The following AGMO variants were observed in gnomAD, a reference collection of about 807,000 sequenced individuals.
AGMO encodes alkylglycerol monooxygenase, also known as glyceryl-ether monooxygenase.
Under a neutral mutation model 60.2 loss-of-function variants are expected in AGMO, and 75 were observed. The ratio of observed to expected loss-of-function variants is 1.25; its 90% CI spans 1.03 to 1.51. The LOEUF (loss-of-function observed/expected upper bound fraction) is 1.51, where lower values mean the gene tolerates loss of function less well. AGMO is among the 40% of genes most tolerant of loss of function. The pLI is 0.00. For missense variants in AGMO, 763 were observed against 525.5 expected, an observed-to-expected ratio of 1.45 and a Z score of -4.42; for synonymous variants, 261 against 177.1, an observed-to-expected ratio of 1.47 and a Z score of -3.76.
the AGMO span, among the ~76,000 whole-genome samples, chr7:15,158,362 G>C: frequency 6.6e-6 from 1 of 151,954 alleles, no homozygotes. Flanking sequence ...CATTCTAAAA[G>C]AGAAACTATG....
At chr7:15,130,483 AG>A in the AGMO span, among the ~76,000 whole-genome samples, 1 of 152,046 alleles carries the variant, frequency 6.6e-6, no homozygotes, top group African/African-American at 2.4e-5. Context: ...AAAAATGATA[AG>A]CCCTGGAAAT....
chr7:15,438,332 A>G (rs1781457034), intron 3 of AGMO, among the ~76,000 whole-genome samples: 1 of 152,054 alleles, frequency 6.6e-6, no homozygotes, highest in African/African-American at 2.4e-5. Flanking sequence ...TATTTAGAAC[A>G]CTTTACAGGT....
At chr7:15,376,919 G>A (rs181554357) in intron 10 of AGMO, among the ~76,000 whole-genome samples, 13 of 151,940 alleles carry the variant, frequency 8.6e-5, no homozygotes, top group Admixed American at 8.5e-4. Context: ...TTACACCTTT[G>A]TCGTGGCCAT....
At chr7:15,206,091 A>G (rs1242860537) in intron 12 of AGMO, among the ~76,000 whole-genome samples, 1 of 152,086 alleles carries the variant, frequency 6.6e-6, no homozygotes, top group Non-Finnish European at 1.5e-5. Flanking sequence ...ACAGATAAGA[A>G]CCCAAAGAGA....
At chr7:15,396,231 C>G (rs532223502) in intron 5 of AGMO, 6 of 152,548 alleles carry the variant, frequency 3.9e-5, no homozygotes, top group Middle Eastern at 3.4e-3. Flanking sequence ...AGAAGCCCCA[C>G]GGACCCTCGC....
intron 12 of AGMO, among the ~76,000 whole-genome samples, chr7:15,261,048 C>A (rs1304509989): frequency 6.6e-5 from 10 of 151,976 alleles, no homozygotes; most frequent in Admixed American, 6.6e-4. Context: ...GCATTAAATA[C>A]CTACATCAAA....
intron 3 of AGMO, among the ~76,000 whole-genome samples, chr7:15,456,196 T>G (rs572876352): frequency 6.6e-6 from 1 of 152,268 alleles, no homozygotes; most frequent in South Asian, 2.1e-4. Flanking sequence ...TTTCTCAAAC[T>G]TCACTTTGTT....
chr7:15,195,699 GC>G (rs1177912169), downstream of AGMO, among the ~76,000 whole-genome samples: 4 of 152,104 alleles, frequency 2.6e-5, no homozygotes, highest in Non-Finnish European at 5.9e-5. Context: ...CATGACTGCA[GC>G]TTGATTTTAC....
At chr7:15,358,062 A>C (rs1448745819) in intron 12 of AGMO, among the ~76,000 whole-genome samples, 1 of 152,204 alleles carries the variant, frequency 6.6e-6, no homozygotes, top group Admixed American at 6.5e-5. Flanking sequence ...TGATACATAT[A>C]TGTTGACATA....
intron 2 of AGMO, among the ~76,000 whole-genome samples, chr7:15,556,708 T>A (rs1583688060): frequency 1.3e-5 from 2 of 152,270 alleles, no homozygotes; most frequent in Admixed American, 6.6e-5. Flanking sequence ...AAGTTTTAGA[T>A]ACGTTTGCTT....
chr7:15,385,352 AAT>A, intron 10 of AGMO, 92 bp downstream of exon 10: 1 of 835,086 alleles, frequency 1.2e-6, no homozygotes, highest in Non-Finnish European at 1.9e-6. Context: ...CACTACAGAG[AAT>A]ATATGACAGC....
At chr7:15,185,380 G>A in the AGMO span, among the ~76,000 whole-genome samples, 1 of 152,054 alleles carries the variant, frequency 6.6e-6, no homozygotes, top group Non-Finnish European at 1.5e-5. Flanking sequence ...TTTCAATTTT[G>A]TTCTAACTTT....
chr7:15,243,220 A>C (rs1782643860), intron 12 of AGMO, among the ~76,000 whole-genome samples: 1 of 152,142 alleles, frequency 6.6e-6, no homozygotes, highest in Non-Finnish European at 1.5e-5. Context: ...GAACATCTTC[A>C]AATTAAATCC....
At chr7:15,326,361 A>G (rs1263123680) in intron 12 of AGMO, among the ~76,000 whole-genome samples, 1 of 152,180 alleles carries the variant, frequency 6.6e-6, no homozygotes, top group African/African-American at 2.4e-5. Context: ...TTTAGAATAT[A>G]GCGTCTTGGC....
At chr7:15,432,255 T>C (rs1365022697) in intron 3 of AGMO, among the ~76,000 whole-genome samples, 1 of 150,834 alleles carries the variant, frequency 6.6e-6, no homozygotes, top group East Asian at 1.9e-4. Context: ...ACTGTTAAAA[T>C]GCATGGTACA....
chr7:15,504,956 A>G (rs1310238346), intron 3 of AGMO, among the ~76,000 whole-genome samples: 3 of 151,948 alleles, frequency 2.0e-5, no homozygotes, highest in Non-Finnish European at 2.9e-5. Context: ...AAATATCATC[A>G]GTAATCATTC....
chr7:15,366,091 T>A, intron 11 of AGMO, 49 bp downstream of exon 11: 1 of 1,416,738 alleles, frequency 7.1e-7, no homozygotes, highest in Non-Finnish European at 9.8e-7. Context: ...CTGTGGAAAA[T>A]TCTTGAATTG....
At chr7:15,489,831 G>A (rs1272357098) in intron 3 of AGMO, among the ~76,000 whole-genome samples, 1 of 152,150 alleles carries the variant, frequency 6.6e-6, no homozygotes, top group African/African-American at 2.4e-5. Flanking sequence ...TTGAGATGAA[G>A]ATATAGAGTT....
chr7:15,316,605 A>G (rs1780932183), intron 12 of AGMO, among the ~76,000 whole-genome samples: 1 of 83,458 alleles, frequency 1.2e-5, no homozygotes, highest in Non-Finnish European at 2.4e-5. Context: ...TTTCCCAACA[A>G]ATATACACAC....
Sources: gnomAD v4.1 joint callset for allele counts (sites outside exome capture counted in the v4.1 genomes callset) on GRCh38, gnomAD v4.1.1 for gene constraint, MANE v1.5 for transcripts, NCBI Gene and HGNC (gene_info 2026-07-23, HGNC 2026-07-21) for gene names.